The following PPIL6 variants were observed in gnomAD, a reference collection of about 807,000 sequenced individuals.
PPIL6 encodes the protein peptidylprolyl isomerase like 6, also known as probable inactive peptidyl-prolyl cis-trans isomerase-like 6.
Under a neutral mutation model 36.8 loss-of-function variants are expected in PPIL6, and 39 were observed. That is an observed-to-expected ratio of 1.06 (90% CI 0.82 to 1.38). PPIL6 has a LOEUF of 1.38. Among genes scored for constraint, PPIL6 ranks in the 40% most tolerant of loss-of-function variants. PPIL6 has a pLI of 0.00. For synonymous variants in PPIL6, 123 were observed against 134.1 expected, an observed-to-expected ratio of 0.92 and a Z score of 0.57; for missense variants, 368 against 379.1, an observed-to-expected ratio of 0.97 and a Z score of 0.24.
intron 6 of PPIL6, among the ~76,000 whole-genome samples, chr6:109,417,661 C>T (rs1174990536): frequency 6.6e-6 from 1 of 152,156 alleles, no homozygotes; most frequent in Non-Finnish European, 1.5e-5. Flanking sequence ...CCAAGGAAAG[C>T]TATGAACAGA....
chr6:109,434,981 G>A (rs989281286), intron 2 of PPIL6, among the ~76,000 whole-genome samples: 11 of 152,190 alleles, frequency 7.2e-5, no homozygotes, highest in African/African-American at 2.4e-4. Flanking sequence ...TATAGATAGA[G>A]GGGAGAATGC....
At position 109,429,214 on chromosome 6, in the gene PPIL6, T is replaced by C. The variant is rs145436493; in HGVS notation, c.420+1943A>G. Among the ~76,000 whole-genome samples the C allele has an allele frequency of 2.0e-3, 311 of 152,354 alleles. 1 individual carries two copies. Among genetic ancestry groups the C allele is most frequent in the African/African-American group, 7.1e-3 (294 of 41,580 alleles). Reference sequence around the variant, plus strand: ...CACTGCCACGAATTATTTCGGGCTTTCATTATGTCCAGCCCATGCTGCTAT... The same window carrying C: ...CACTGCCACGAATTATTTCGGGCTTCCATTATGTCCAGCCCATGCTGCTAT... On this transcript the variant is annotated intron_variant, in intron 3 of 7. Coordinates refer to ENST00000521072, the MANE Select transcript of PPIL6 (RefSeq NM_173672.5).
At chr6:109,403,179 G>T (rs903074429) in intron 6 of PPIL6, 4 of 1,118,970 alleles carry the variant, frequency 3.6e-6, no homozygotes, top group African/African-American at 3.2e-5. Flanking sequence ...CTTGCTAGTT[G>T]TTCAGACTAG....
chr6:109,392,472 CT>C lies in PPIL6; in HGVS notation c.*353del. The stretch of plus-strand genomic sequence containing the variant: ...GTGAGCTACCACACCTGGCCTCAGC[CT>C]TTTCTTTATGGCCACAAGATGACAG... On this transcript the variant is annotated 3_prime_UTR_variant, in exon 8 of 8. Transcript: ENST00000521072. 1 of 182,914 alleles carries C rather than the reference CT, an allele frequency of 5.5e-6. No homozygotes were observed. Among genetic ancestry groups the C allele is most frequent in the Non-Finnish European group, 1.1e-5 (1 of 89,056 alleles). The allele number at this position is 182,914 out of a possible 1,614,324, so 11.3% of individuals were successfully genotyped here. A position where few individuals can be genotyped will look rare whatever the true frequency, so the allele number is the denominator to read the frequency against.
intron 7 of PPIL6, among the ~76,000 whole-genome samples, chr6:109,399,306 G>T (rs557703132): frequency 1.8e-4 from 27 of 152,028 alleles, no homozygotes; most frequent in Non-Finnish European, 3.4e-4. Context: ...ATGGGGTTTC[G>T]CCATGTTGGC....
At chr6:109,423,169 C>G (rs1773638859) in intron 5 of PPIL6, among the ~76,000 whole-genome samples, 1 of 152,006 alleles carries the variant, frequency 6.6e-6, no homozygotes, top group Non-Finnish European at 1.5e-5. Flanking sequence ...GAGTTCAAGA[C>G]CAGTCTGGCC....
chr6:109,424,281 C>T (rs1773701689), intron 5 of PPIL6, among the ~76,000 whole-genome samples: 2 of 151,960 alleles, frequency 1.3e-5, no homozygotes, highest in Non-Finnish European at 2.9e-5. Context: ...GTGCCCCAGG[C>T]AAAATAAACG....
intron 7 of PPIL6, among the ~76,000 whole-genome samples, chr6:109,393,893 T>G (rs567308561): frequency 6.6e-6 from 1 of 152,330 alleles, no homozygotes; most frequent in East Asian, 1.9e-4. Flanking sequence ...TCTCTGTCGC[T>G]CCTTTAGAGA....
rs149693767 is a variant in PPIL6 at position 109,410,133 on chromosome 6, G to T, written c.688+9054C>A. 2.4e-3 allele frequency among the ~76,000 whole-genome samples: 368 copies of T among 152,284 alleles called. 2 individuals carry two copies. Among genetic ancestry groups the T allele is most frequent in the Admixed American group, 4.9e-3 (75 of 15,298 alleles). ...CCCATCGCAGCTGAGGTATCCTGGA[G>T]AGATCTTCACCCGTGTCCCATGTGG... On this transcript the variant is annotated intron_variant, in intron 6 of 7. Coordinates refer to ENST00000521072, the MANE Select transcript of PPIL6 (RefSeq NM_173672.5).
intron 5 of PPIL6, among the ~76,000 whole-genome samples, chr6:109,420,136 C>A (rs891170056): frequency 6.6e-6 from 1 of 151,804 alleles, no homozygotes; most frequent in African/African-American, 2.4e-5. Flanking sequence ...GAGTTCGAGA[C>A]CAGCCTGGCC....
At chr6:109,440,687 G>C, upstream of PPIL6, 1 of 1,004,112 alleles carries the variant, frequency 1.0e-6, no homozygotes, top group Non-Finnish European at 1.2e-6. Flanking sequence ...CGGGGCCCAG[G>C]GGCGGGTCGA....
At position 109,392,518 on chromosome 6, in the gene PPIL6, A is replaced by G. The variant is rs1214579917; in HGVS notation, c.*308T>C. 2 of 240,866 alleles carry G rather than the reference A, an allele frequency of 8.3e-6. No homozygotes were observed. The highest frequency in any genetic ancestry group is 1.6e-5 in the Non-Finnish European group (2 of 126,380). 14.9% of individuals were successfully genotyped at this position (240,866 alleles called of 1,614,324 possible). On this transcript the variant is annotated 3_prime_UTR_variant, in exon 8 of 8. Transcript: ENST00000521072. ...TGACAGCTGTAGCTCCAGCCTCTCC[A>G]CATTCCAGACTGGATGAAGGGGAAG...
At chr6:109,422,273 G>C (rs1306346109) in intron 5 of PPIL6, among the ~76,000 whole-genome samples, 2 of 152,162 alleles carry the variant, frequency 1.3e-5, no homozygotes, top group Non-Finnish European at 2.9e-5. Flanking sequence ...GCTGCAGTGA[G>C]AGCCATGATT....
In PPIL6 at chr6:109,392,797, A is replaced by C. The variant is rs372208795; in HGVS notation, c.*29T>G. The C allele has an allele frequency of 9.1e-5, 112 of 1,234,560 alleles. No homozygotes were observed. In the African/African-American group the frequency reaches 1.1e-3, roughly 12 times the overall value. 76.5% of individuals were successfully genotyped at this position (1,234,560 alleles called of 1,614,324 possible). A position where few individuals can be genotyped will look rare whatever the true frequency, so the allele number is the denominator to read the frequency against. ...ACAGCTGATCAGATACAAAGTAATA[A>C]ATTATCACAGAAAATATTGATATGA... On this transcript the variant is annotated 3_prime_UTR_variant, in exon 8 of 8. Transcript: ENST00000521072.
chr6:109,399,342 C>T (rs6929106), intron 7 of PPIL6, among the ~76,000 whole-genome samples: 4,300 of 152,032 alleles, frequency 0.028, 207 homozygotes, highest in African/African-American at 0.097. Flanking sequence ...CTTCTGCCCT[C>T]GAGTGATCTG....
At chr6:109,437,752 A>C (rs555923742) in intron 1 of PPIL6, among the ~76,000 whole-genome samples, 24 of 151,740 alleles carry the variant, frequency 1.6e-4, no homozygotes, top group African/African-American at 5.3e-4. Context: ...ACGAGGTTTC[A>C]CCATGTTGGC....
chr6:109,402,632 A>G (rs1024903884), intron 6 of PPIL6, among the ~76,000 whole-genome samples: 2 of 152,240 alleles, frequency 1.3e-5, no homozygotes, highest in African/African-American at 4.8e-5. Context: ...AACCATTGCT[A>G]TAAAGGGACA....
intron 6 of PPIL6, chr6:109,403,127 A>G (rs917012325): frequency 6.9e-7 from 1 of 1,439,148 alleles, no homozygotes; most frequent in African/African-American, 1.4e-5. Flanking sequence ...AAAGAGCTAT[A>G]ATTTAAATTT....
chr6:109,398,282 C>T (rs534571641), intron 7 of PPIL6, among the ~76,000 whole-genome samples: 3 of 152,330 alleles, frequency 2.0e-5, no homozygotes, highest in African/African-American at 7.2e-5. Context: ...TTACGTTATG[C>T]ATCTATTAAT....
Sources: gnomAD v4.1 joint callset for allele counts (sites outside exome capture counted in the v4.1 genomes callset) on GRCh38, gnomAD v4.1.1 for gene constraint, MANE v1.5 for transcripts, NCBI Gene and HGNC (gene_info 2026-07-23, HGNC 2026-07-21) for gene names.